The following CPNE1 variants were observed in gnomAD, a reference collection of about 807,000 sequenced individuals.
CPNE1 encodes the protein copine 1.
A neutral mutation model predicts 63.2 loss-of-function variants in CPNE1; 58 were observed. The ratio of observed to expected loss-of-function variants is 0.92; its 90% CI spans 0.74 to 1.14. The LOEUF (loss-of-function observed/expected upper bound fraction) is 1.14. Among genes scored for constraint, CPNE1 ranks in the 50% most tolerant of loss-of-function variants. The probability of loss-of-function intolerance (pLI) is 0.00; values close to 1 mark genes in which losing one functional copy is unlikely to be tolerated. For synonymous variants in CPNE1, 237 were observed against 249.0 expected, an observed-to-expected ratio of 0.95 and a Z score of 0.45; for missense variants, 672 against 661.7, an observed-to-expected ratio of 1.02 and a Z score of -0.17.
At chr20:35,657,095 G>A (rs1246525919) in intron 1 of CPNE1, among the ~76,000 whole-genome samples, 3 of 152,114 alleles carry the variant, frequency 2.0e-5, no homozygotes, top group Non-Finnish European at 4.4e-5. Context: ...AAAATAAAAA[G>A]CCACCTTCAA....
chr20:35,631,252 T>C lies in CPNE1; in HGVS notation c.801+16A>G, dbSNP rs758261445. On this transcript the variant is annotated intron_variant, in intron 9 of 15. Coordinates refer to ENST00000397443, the MANE Select transcript of CPNE1 (RefSeq NM_152925.3). ...CTCAGGAATCAGAGCCTTGGTTACA[T>C]GGGCTTTTGTCTCACCCGACAAATC... The C allele has an allele frequency of 3.1e-6, 5 of 1,614,070 alleles. No individual in the cohort carries two copies. Among genetic ancestry groups the C allele is most frequent in the Admixed American group, 1.7e-5 (1 of 60,020 alleles).
At chr20:35,655,474 A>G in intron 1 of CPNE1, 1 of 768,586 alleles carries the variant, frequency 1.3e-6, no homozygotes, top group South Asian at 2.0e-5. Context: ...CAATGTCTTT[A>G]ATTTAGATAT....
At chr20:35,653,059 G>A in intron 1 of CPNE1, 1 of 1,613,904 alleles carries the variant, frequency 6.2e-7, no homozygotes, top group Non-Finnish European at 8.5e-7. Context: ...TCCAACTGAA[G>A]GCATACCAGG....
rs767053015 is a variant in CPNE1, at chr20:35,632,196, G to A, written c.423C>T (p.Thr141=). The A allele has an allele frequency of 2.4e-5, 39 of 1,613,978 alleles. No individual in the cohort carries two copies. The highest frequency in any genetic ancestry group is 3.0e-5 in the Non-Finnish European group (35 of 1,180,016). The part of the protein sequence containing the change: ...AQELKDNRVV[T]MEVEARNLDK... ...CTAGGTTTCTGGCCTCTACCTCCAT[G>A]GTTACTACACGATTGTCCTTTAATT... The change falls in exon 5 of 16, where the codon ACC becomes ACT. Residue 141 remains threonine (T), a synonymous_variant. Coordinates refer to ENST00000397443, the MANE Select transcript of CPNE1 (RefSeq NM_152925.3).
chr20:35,639,820 C>T (rs915584770), intron 1 of CPNE1, among the ~76,000 whole-genome samples: 2 of 152,244 alleles, frequency 1.3e-5, no homozygotes, highest in Non-Finnish European at 2.9e-5. Context: ...GGGCCAAACA[C>T]GTGTAGTGGG....
chr20:35,658,003 G>A (rs1465182987), intron 1 of CPNE1, among the ~76,000 whole-genome samples: 4 of 151,944 alleles, frequency 2.6e-5, no homozygotes, highest in Non-Finnish European at 4.4e-5. Context: ...CAGAGATCAC[G>A]CCACTGCACT....
At chr20:35,663,415 T>C (rs1405252657) in intron 1 of CPNE1, among the ~76,000 whole-genome samples, 1 of 152,184 alleles carries the variant, frequency 6.6e-6, no homozygotes, top group Admixed American at 6.5e-5. Flanking sequence ...TTTCAAACCA[T>C]TCAAGCAAGA....
At chr20:35,649,585 C>T (rs1245623743) in intron 1 of CPNE1, 1 of 152,480 alleles carries the variant, frequency 6.6e-6, no homozygotes, top group Non-Finnish European at 1.5e-5. Context: ...TTTAAAAAGC[C>T]ACTAATAATA....
intron 1 of CPNE1, among the ~76,000 whole-genome samples, chr20:35,644,579 G>C (rs946233088): frequency 6.6e-6 from 1 of 152,174 alleles, no homozygotes; most frequent in Admixed American, 6.5e-5. Flanking sequence ...GAAACACTGA[G>C]GCCAGAGGGA....
intron 13 of CPNE1, among the ~76,000 whole-genome samples, chr20:35,628,602 C>T (rs1421775139): frequency 6.6e-6 from 1 of 152,046 alleles, no homozygotes; most frequent in Non-Finnish European, 1.5e-5. Flanking sequence ...TCAGGTAAAC[C>T]CAAACTGAGG....
chr20:35,639,989 G>C (rs78624122), intron 1 of CPNE1, among the ~76,000 whole-genome samples: 5,640 of 152,242 alleles, frequency 0.037, 358 homozygotes, highest in African/African-American at 0.13. Flanking sequence ...GTGTGCCTCA[G>C]TAGGATAAGG....
chr20:35,629,819 C>T lies in CPNE1; in HGVS notation c.1102+620G>A, dbSNP rs188603153. 1.9e-3 allele frequency among the ~76,000 whole-genome samples: 283 copies of T among 152,120 alleles called. 1 individual carries two copies. The highest frequency in any genetic ancestry group is 6.6e-3 in the African/African-American group (273 of 41,516). On this transcript the variant is annotated intron_variant, in intron 13 of 15. Coordinates refer to ENST00000397443, the MANE Select transcript of CPNE1 (RefSeq NM_152925.3). ...AACTACAGGCGCCTGCCATCATGCT[C>T]GGCTAATTTTTGTAATTTTAGTAGA...
chr20:35,639,987 C>T (rs2032714851), intron 1 of CPNE1, among the ~76,000 whole-genome samples: 1 of 152,152 alleles, frequency 6.6e-6, no homozygotes, highest in Non-Finnish European at 1.5e-5. Flanking sequence ...ATGTGTGCCT[C>T]AGTAGGATAA....
intron 1 of CPNE1, among the ~76,000 whole-genome samples, chr20:35,659,566 A>G (rs935081639): frequency 5.3e-5 from 8 of 152,242 alleles, no homozygotes. Context: ...TGCTATAAGG[A>G]CTAATTCCAC....
intron 1 of CPNE1, among the ~76,000 whole-genome samples, chr20:35,663,073 A>C (rs2034324714): frequency 6.6e-6 from 1 of 152,214 alleles, no homozygotes. Context: ...AAACACGCCA[A>C]ACATTTCACT....
intron 1 of CPNE1, chr20:35,654,122 T>C: frequency 6.2e-7 from 1 of 1,614,192 alleles, no homozygotes; most frequent in Non-Finnish European, 8.5e-7. Context: ...GGGGGATGAG[T>C]TTGTCCAGAA....
rs150406619 is a variant in CPNE1 at position 35,653,359 on chromosome 20, G to A, written c.-1+11401C>T. 3.1e-3 allele frequency: 5,008 copies of A among 1,614,096 alleles called. 15 individuals carry two copies. The highest frequency in any genetic ancestry group is 3.9e-3 in the Non-Finnish European group (4,589 of 1,179,986). Reference sequence around the variant, plus strand: ...GGGCAGTCCCACACCGGGCAGTCCCGCATTGGGCATTCCTGGAACTGCAGG... The same window carrying A: ...GGGCAGTCCCACACCGGGCAGTCCCACATTGGGCATTCCTGGAACTGCAGG... On this transcript the variant is annotated intron_variant, in intron 1 of 15. Coordinates refer to ENST00000397443, the MANE Select transcript of CPNE1 (RefSeq NM_152925.3).
intron 1 of CPNE1, chr20:35,649,668 A>G (rs182191544): frequency 3.3e-5 from 5 of 152,732 alleles, no homozygotes; most frequent in East Asian, 1.9e-4. Context: ...ATGTTTCACT[A>G]AAGTTCAGAA....
At chr20:35,651,129 TG>T (rs2033483824) in intron 1 of CPNE1, 1 of 152,194 alleles carries the variant, frequency 6.6e-6, no homozygotes, top group Admixed American at 6.5e-5. Context: ...TGAGAAAATT[TG>T]TTTTTCATAT....
Sources: allele counts gnomAD v4.1 joint callset (sites outside exome capture counted in the v4.1 genomes callset), GRCh38; gene constraint gnomAD v4.1.1; transcripts MANE v1.5; gene names NCBI Gene and HGNC (gene_info 2026-07-23, HGNC 2026-07-21).